The following MYBL1 variants were observed in gnomAD, a reference collection of about 807,000 sequenced individuals.
MYBL1 encodes MYB proto-oncogene like 1.
Under a neutral mutation model 96.3 loss-of-function variants are expected in MYBL1, and 17 were observed. The ratio of observed to expected loss-of-function variants is 0.18; its 90% CI spans 0.12 to 0.26. The LOEUF is 0.26. Ranked by LOEUF, MYBL1 falls within the 10% of genes least tolerant of loss-of-function variation. The probability of loss-of-function intolerance (pLI) is 1.00; values close to 1 mark genes in which losing one functional copy is unlikely to be tolerated. For missense variants in MYBL1, 701 were observed against 882.9 expected (o/e 0.79, Z 2.61); for synonymous variants, 282 against 292.7 (o/e 0.96, Z 0.37).
In MYBL1 at chr8:66,576,215, G is replaced by A; in HGVS notation, c.1262C>T (p.Thr421Ile). The change falls in exon 10 of 16, where the codon ACT becomes ATT. Residue 421 changes from threonine (T) to isoleucine (I), a missense_variant. Physicochemically the swap from Thr to Ile is moderately conservative, Grantham distance 89. Coordinates refer to ENST00000522677, the MANE Select transcript of MYBL1 (RefSeq NM_001080416.4). Reference sequence around the variant, plus strand: ...AGCTTCACTGTTGCCACCATTACAAGTGTTTTTTTTCCCTTCAAGTACAAG... The same window carrying A: ...AGCTTCACTGTTGCCACCATTACAAATGTTTTTTTTCCCTTCAAGTACAAG... Reference protein sequence around the residue: ...VSLVLEGKKNTCNGGNSEAVP... With the variant: ...VSLVLEGKKNICNGGNSEAVP... 6.2e-7 allele frequency: 1 copy of A among 1,613,948 alleles called. No homozygotes were observed. The highest frequency in any genetic ancestry group is 8.5e-7 in the Non-Finnish European group (1 of 1,179,860).
chr8:66,596,895 G>C (rs1249777746), intron 5 of MYBL1, among the ~76,000 whole-genome samples: 1 of 152,052 alleles, frequency 6.6e-6, no homozygotes, highest in African/African-American at 2.4e-5. Context: ...AATTAAGATT[G>C]AATTTTCCCC....
At position 66,566,076 on chromosome 8, in the gene MYBL1, T is replaced by C; in HGVS notation, c.2118A>G (p.Glu706=). The C allele has an allele frequency of 6.6e-7, 1 of 1,525,242 alleles. No homozygotes were observed. The highest frequency in any genetic ancestry group is 8.8e-7 in the Non-Finnish European group (1 of 1,134,080). The allele number at this position is 1,525,242 out of a possible 1,614,324, so 94.5% of individuals were successfully genotyped here. A position where few individuals can be genotyped will look rare whatever the true frequency, so the allele number is the denominator to read the frequency against. The change falls in exon 15 of 16, where the codon GAA becomes GAG. Residue 706 remains glutamate, a synonymous_variant. Transcript: ENST00000522677. The part of the protein sequence containing the change: ...NPNTSKVVKL[E]KNLQSNCEWE... ...TATAAATCCATACCTGAAGATTCTTTTCCAATTTGACAACTTTGGAAGTGT... is the reference window on the plus strand; with the variant it reads ...TATAAATCCATACCTGAAGATTCTTCTCCAATTTGACAACTTTGGAAGTGT...
chr8:66,586,042 G>GTTTTT (rs578179482), intron 8 of MYBL1, among the ~76,000 whole-genome samples: 1 of 105,828 alleles, frequency 9.4e-6, no homozygotes, highest in Non-Finnish European at 2.0e-5. Context: ...GTTTTTTGGT[G>GTTTTT]TTTTTTTTTT....
chr8:66,595,958 C>CAGGCAT (rs1809835284), intron 5 of MYBL1, among the ~76,000 whole-genome samples: 1 of 152,018 alleles, frequency 6.6e-6, no homozygotes, highest in African/African-American at 2.4e-5. Context: ...GTGCATATGT[C>CAGGCAT]AGGCATAGTT....
chr8:66,569,574 T>C (rs1808651196), intron 12 of MYBL1, among the ~76,000 whole-genome samples: 1 of 152,038 alleles, frequency 6.6e-6, no homozygotes, highest in Non-Finnish European at 1.5e-5. Flanking sequence ...TGGTCTTGAA[T>C]TCCTGAGCTC....
chr8:66,589,267 C>A (rs369495425), intron 8 of MYBL1, among the ~76,000 whole-genome samples: 65 of 150,928 alleles, frequency 4.3e-4, no homozygotes, highest in African/African-American at 1.5e-3. Flanking sequence ...ATGGTTTAAA[C>A]ATGATATAAT....
At chr8:66,606,780 T>C (rs1810327824) in intron 1 of MYBL1, among the ~76,000 whole-genome samples, 1 of 151,746 alleles carries the variant, frequency 6.6e-6, no homozygotes, top group South Asian at 2.1e-4. Context: ...TCTCCTTCCA[T>C]ACATGGCTGT....
intron 15 of MYBL1, 142 bp from the exon 16 acceptor site, chr8:66,564,967 AT>A (rs1808447505): frequency 8.6e-6 from 4 of 466,024 alleles, no homozygotes; most frequent in Admixed American, 4.2e-5. Flanking sequence ...ATGGCACTGT[AT>A]TTTTTTAATA....
chr8:66,611,730 C>T (rs1437467331), intron 1 of MYBL1, among the ~76,000 whole-genome samples: 1 of 152,158 alleles, frequency 6.6e-6, no homozygotes, highest in Non-Finnish European at 1.5e-5. Context: ...GCAGAAGCAT[C>T]CTGCACACAG....
Position 66,563,047 on chromosome 8 carries a change from A to T in MYBL1, c.*1650T>A, listed in dbSNP as rs1221088963. The stretch of plus-strand genomic sequence containing the variant: ...GTATTTCCATTTCTATTAACATACA[A>T]ACAGAGCAGAAAATCTTAACCTGCT... On this transcript the variant is annotated 3_prime_UTR_variant, in exon 16 of 16. Transcript: ENST00000522677. The T allele has an allele frequency of 6.6e-6, 1 of 152,450 alleles. No homozygotes were observed. Among genetic ancestry groups the T allele is most frequent in the Non-Finnish European group, 1.5e-5 (1 of 67,980 alleles). 9.4% of individuals were successfully genotyped at this position (152,450 alleles called of 1,614,324 possible).
intron 8 of MYBL1, among the ~76,000 whole-genome samples, chr8:66,587,865 A>G (rs899516598): frequency 3.9e-5 from 6 of 152,194 alleles, no homozygotes; most frequent in African/African-American, 1.4e-4. Flanking sequence ...TAGACAGCAC[A>G]CTGGAAGTCT....
intron 6 of MYBL1, among the ~76,000 whole-genome samples, chr8:66,595,249 A>G (rs1408102650): frequency 1.3e-5 from 2 of 152,176 alleles, no homozygotes; most frequent in Non-Finnish European, 2.9e-5. Context: ...CTTAGAGATA[A>G]GCAATACTAT....
chr8:66,566,186 T>C lies in MYBL1; in HGVS notation c.2008A>G (p.Asn670Asp). Reference protein sequence around the residue: ...LMIPLLEIHDNRCNLIPEKQD... With the variant: ...LMIPLLEIHDDRCNLIPEKQD... Reference sequence around the variant, plus strand: ...TTTTCAGGAATCAAGTTGCACCTATTGTCATGTATTTCCAATAATGGTATC... The same window carrying C: ...TTTTCAGGAATCAAGTTGCACCTATCGTCATGTATTTCCAATAATGGTATC... Residue 670 changes from asparagine to aspartate, a missense_variant, in exon 15 of 16, where the codon AAT becomes GAT. Physicochemically the swap from Asn to Asp is conservative, Grantham distance 23. Transcript: ENST00000522677. The C allele has an allele frequency of 6.6e-7, 1 of 1,520,128 alleles. No homozygotes were observed. The highest frequency in any genetic ancestry group is 2.4e-5 in the East Asian group (1 of 41,476). 94.2% of individuals were successfully genotyped at this position (1,520,128 alleles called of 1,614,324 possible).
intron 8 of MYBL1, among the ~76,000 whole-genome samples, chr8:66,590,571 C>T (rs1193189747): frequency 5.5e-5 from 8 of 146,674 alleles, no homozygotes; most frequent in Non-Finnish European, 1.0e-4. Context: ...TAGTTAGGAC[C>T]ACAGGTGTGC....
intron 8 of MYBL1, among the ~76,000 whole-genome samples, chr8:66,591,312 A>G (rs1809633523): frequency 6.6e-6 from 1 of 151,884 alleles, no homozygotes; most frequent in Non-Finnish European, 1.5e-5. Flanking sequence ...ACGCCACTGC[A>G]CTCCAGCCTG....
intron 1 of MYBL1, 97 bp from the exon 2 acceptor site, chr8:66,602,620 T>C (rs542587624): frequency 4.9e-6 from 3 of 607,594 alleles, no homozygotes; most frequent in Admixed American, 7.2e-5. Context: ...GAAGAAATCA[T>C]ACAGACTACA....
rs1242340450 is a variant in MYBL1 at position 66,562,497 on chromosome 8, G to A, written c.*2200C>T. Reference sequence around the variant, plus strand: ...GCAAAAAGCAACAAAGCAGTTAACTGAAGGATTCAACCAGTACCAACCCAA... The same window carrying A: ...GCAAAAAGCAACAAAGCAGTTAACTAAAGGATTCAACCAGTACCAACCCAA... On this transcript the variant is annotated 3_prime_UTR_variant, in exon 16 of 16. Coordinates refer to ENST00000522677, the MANE Select transcript of MYBL1 (RefSeq NM_001080416.4). 3.3e-5 allele frequency: 5 copies of A among 152,548 alleles called. No homozygotes were observed. The highest frequency in any genetic ancestry group is 1.2e-4 in the African/African-American group (5 of 41,416). 9.4% of individuals were successfully genotyped at this position (152,548 alleles called of 1,614,324 possible).
At chr8:66,579,089 G>A (rs1039239907) in intron 9 of MYBL1, among the ~76,000 whole-genome samples, 38 of 152,062 alleles carry the variant, frequency 2.5e-4, no homozygotes, top group Admixed American at 6.5e-4. Flanking sequence ...GTGGGATGGG[G>A]GGAGTGGGGA....
chr8:66,564,908 T>A, intron 15 of MYBL1, 83 bp from the exon 16 acceptor site: 2 of 808,152 alleles, frequency 2.5e-6, no homozygotes, highest in Non-Finnish European at 3.5e-6. Context: ...GTCAGTTATT[T>A]TAACTGATTA....
Sources: allele counts gnomAD v4.1 joint callset (sites outside exome capture counted in the v4.1 genomes callset), GRCh38; gene constraint gnomAD v4.1.1; transcripts MANE v1.5; gene names NCBI Gene and HGNC (gene_info 2026-07-23, HGNC 2026-07-21).